Variants in TRDN observed in about 807,000 individuals in gnomAD.
The protein encoded by TRDN is triadin in skeletal muscle.
A neutral mutation model predicts 149.7 loss-of-function variants in TRDN; 161 were observed. The observed-to-expected ratio is 1.08, with a 90% confidence interval of 0.95 to 1.23. The LOEUF (loss-of-function observed/expected upper bound fraction) is 1.23. Among genes scored for constraint, TRDN ranks in the 50% most tolerant of loss-of-function variants. The pLI is 0.00. For synonymous variants in TRDN, 294 were observed against 250.5 expected (o/e 1.17, Z -1.64); for missense variants, 896 against 823.5 (o/e 1.09, Z -1.08).
At chr6:123,502,834 T>G in intron 8 of TRDN, 1 of 985,222 alleles carries the variant, frequency 1.0e-6, no homozygotes, top group Middle Eastern at 5.2e-4. Context: ...ACAGGAATAG[T>G]CTCTACATGT....
At chr6:123,266,472 A>G in intron 32 of TRDN, among the ~76,000 whole-genome samples, 1 of 60,698 alleles carries the variant, frequency 1.6e-5, no homozygotes, top group South Asian at 7.5e-4. Flanking sequence ...TATATATAAT[A>G]TATATATTAT....
chr6:123,562,983 C>G (rs933347755), intron 2 of TRDN, among the ~76,000 whole-genome samples: 1 of 152,164 alleles, frequency 6.6e-6, no homozygotes, highest in African/African-American at 2.4e-5. Flanking sequence ...AAAAAACTTT[C>G]TCAACTGAAA....
rs1775011008 is a variant in TRDN, at chr6:123,217,920, T to C, written c.*681A>G. The C allele has an allele frequency of 6.6e-6, 1 of 151,956 alleles. No homozygotes were observed. The highest frequency in any genetic ancestry group is 1.5e-5 in the Non-Finnish European group (1 of 67,924). The allele number at this position is 151,956 out of a possible 1,614,324, so 9.4% of individuals were successfully genotyped here. Reference sequence around the variant, plus strand: ...TGGTGTATTTCCACTGGACTGAATGTCCTAATTATCATTCAAGACATATCT... The same window carrying C: ...TGGTGTATTTCCACTGGACTGAATGCCCTAATTATCATTCAAGACATATCT... On this transcript the variant is annotated 3_prime_UTR_variant, in exon 41 of 41. Coordinates refer to ENST00000334268, the MANE Select transcript of TRDN (RefSeq NM_006073.4).
intron 38 of TRDN, among the ~76,000 whole-genome samples, chr6:123,242,679 A>G (rs1465357418): frequency 6.6e-6 from 1 of 152,124 alleles, no homozygotes; most frequent in African/African-American, 2.4e-5. Flanking sequence ...AAAGCAAAGA[A>G]AGAAAAGAAA....
intron 24 of TRDN, among the ~76,000 whole-genome samples, chr6:123,301,741 G>GTATATATATACATA (rs1554221673): frequency 4.6e-4 from 22 of 47,330 alleles, no homozygotes; most frequent in Admixed American, 9.9e-4. Flanking sequence ...ATGTATGTAT[G>GTATATATATACATA]TATATATATA....
chr6:123,375,778 A>T (rs1781479030), intron 18 of TRDN, 147 bp from the exon 19 acceptor site: 1 of 573,214 alleles, frequency 1.7e-6, no homozygotes, highest in Non-Finnish European at 2.8e-6. Flanking sequence ...GAAAAGGAAA[A>T]TATAATACTG....
At chr6:123,369,438 G>A (rs1396683422) in intron 19 of TRDN, among the ~76,000 whole-genome samples, 1 of 151,974 alleles carries the variant, frequency 6.6e-6, no homozygotes, top group Non-Finnish European at 1.5e-5. Flanking sequence ...TGTACTTTAT[G>A]CCTACCACCT....
At chr6:123,485,679 A>G (rs772330320) in intron 9 of TRDN, among the ~76,000 whole-genome samples, 3 of 152,170 alleles carry the variant, frequency 2.0e-5, no homozygotes, top group Non-Finnish European at 4.4e-5. Flanking sequence ...TATGGTTATT[A>G]TAGTCAAGAG....
chr6:123,631,989 T>A (rs889116389), intron 1 of TRDN, among the ~76,000 whole-genome samples: 10 of 152,250 alleles, frequency 6.6e-5, no homozygotes, highest in African/African-American at 2.2e-4. Flanking sequence ...ATATAATTAT[T>A]CATTAAGGTT....
intron 1 of TRDN, among the ~76,000 whole-genome samples, chr6:123,579,359 G>A (rs984657420): frequency 1.3e-5 from 2 of 152,226 alleles, no homozygotes; most frequent in Admixed American, 1.3e-4. Flanking sequence ...AAGGAATGTT[G>A]AATTTTATCA....
chr6:123,453,366 G>A (rs1335259448), intron 10 of TRDN, among the ~76,000 whole-genome samples: 2 of 152,064 alleles, frequency 1.3e-5, no homozygotes, highest in African/African-American at 4.8e-5. Context: ...ATCTGACAAA[G>A]GACTAATATC....
At chr6:123,234,549 G>T (rs1775718301) in intron 38 of TRDN, among the ~76,000 whole-genome samples, 1 of 152,100 alleles carries the variant, frequency 6.6e-6, no homozygotes, top group African/African-American at 2.4e-5. Context: ...TTACACAATT[G>T]TCTAGAACTG....
At chr6:123,337,705 G>A in intron 21 of TRDN, 36 bp from the exon 22 acceptor site, 1 of 1,284,492 alleles carries the variant, frequency 7.8e-7, no homozygotes, top group Non-Finnish European at 1.1e-6. Context: ...AAGTTACAAG[G>A]AATAAGAGAG....
Position 123,289,602 on chromosome 6 carries a change from C to A in TRDN, c.1511-10520G>T, listed in dbSNP as rs1305637884. 3.3e-5 allele frequency among the ~76,000 whole-genome samples: 5 copies of A among 152,172 alleles called. No homozygotes were observed. The East Asian group carries it at 7.7e-4, about 23-fold the overall frequency. ...TTGCCATGACAACACTCAGGAGTTACTGCCCCTTTCCATGGCAATGTCCTA... is the reference window on the plus strand; with the variant it reads ...TTGCCATGACAACACTCAGGAGTTAATGCCCCTTTCCATGGCAATGTCCTA... On this transcript the variant is annotated intron_variant, in intron 24 of 40. Coordinates refer to ENST00000334268, the MANE Select transcript of TRDN (RefSeq NM_006073.4).
At chr6:123,299,927 T>G (rs560757778) in intron 24 of TRDN, among the ~76,000 whole-genome samples, 1 of 152,168 alleles carries the variant, frequency 6.6e-6, no homozygotes. Context: ...TGGAGAAAAC[T>G]TGTTTCTTTT....
At chr6:123,444,848 C>T (rs2114623585) in intron 10 of TRDN, among the ~76,000 whole-genome samples, 1 of 152,254 alleles carries the variant, frequency 6.6e-6, no homozygotes, top group Non-Finnish European at 1.5e-5. Flanking sequence ...GTTGAACCAG[C>T]CTTGCATTCC....
At chr6:123,454,775 G>A (rs1330880271) in intron 10 of TRDN, among the ~76,000 whole-genome samples, 1 of 152,196 alleles carries the variant, frequency 6.6e-6, no homozygotes, top group Non-Finnish European at 1.5e-5. Flanking sequence ...AAGGGATCTA[G>A]GTTGCATGCT....
chr6:123,416,698 C>CTTTTTTTTTTTTTTTTTT (rs139842688), intron 12 of TRDN, among the ~76,000 whole-genome samples: 2 of 146,272 alleles, frequency 1.4e-5, no homozygotes, highest in African/African-American at 2.5e-5. Flanking sequence ...TTCTTTTCCT[C>CTTTTTTTTTTTTTTTTTT]TTTTTTTCTT....
intron 9 of TRDN, among the ~76,000 whole-genome samples, chr6:123,478,399 A>T (rs1777597150): frequency 6.6e-6 from 1 of 152,188 alleles, no homozygotes; most frequent in Non-Finnish European, 1.5e-5. Flanking sequence ...TAGAGTACCA[A>T]CTGGGATATT....
Sources: allele counts gnomAD v4.1 joint callset (sites outside exome capture counted in the v4.1 genomes callset), GRCh38; gene constraint gnomAD v4.1.1; transcripts MANE v1.5; gene names NCBI Gene and HGNC (gene_info 2026-07-23, HGNC 2026-07-21).